Variants in SEC23B observed in about 807,000 individuals in gnomAD.
The protein encoded by SEC23B is protein transport protein Sec23B.
SEC23B carries 77 observed loss-of-function variants against 104.3 expected under a neutral mutation model. That is an observed-to-expected ratio of 0.74 (90% CI 0.61 to 0.89). The LOEUF is 0.89. Ranked by LOEUF, SEC23B falls within the 40% of genes least tolerant of loss-of-function variation. The probability of loss-of-function intolerance (pLI) is 0.00; values close to 1 mark genes in which losing one functional copy is unlikely to be tolerated. For synonymous variants in SEC23B, 338 were observed against 332.5 expected, an observed-to-expected ratio of 1.02 and a Z score of -0.18; for missense variants, 885 against 949.4, an observed-to-expected ratio of 0.93 and a Z score of 0.89.
chr20:18,554,104 A>C, intron 17 of SEC23B, 131 bp from the exon 18 acceptor site: 1 of 1,084,722 alleles, frequency 9.2e-7, no homozygotes, highest in Non-Finnish European at 1.4e-6. Flanking sequence ...TCTCCCTCTG[A>C]AGCTTGTCAT....
intron 1 of SEC23B, 86 bp from the exon 2 acceptor site, chr20:18,510,736 C>A: frequency 1.9e-6 from 2 of 1,033,164 alleles, no homozygotes; most frequent in Non-Finnish European, 3.0e-6. Context: ...AAAAGAGAAA[C>A]ACTGTGTTAC....
At chr20:18,537,600 G>T (rs1432844995) in intron 12 of SEC23B, among the ~76,000 whole-genome samples, 267 of 152,120 alleles carry the variant, frequency 1.8e-3, no homozygotes, top group Admixed American at 3.4e-3. Context: ...GTGGGGGAAG[G>T]GGGGAGGAAT....
chr20:18,521,015 C>T lies in SEC23B; in HGVS notation c.367-3418C>T, dbSNP rs532169819. Among the ~76,000 whole-genome samples the T allele has an allele frequency of 3.9e-5, 6 of 152,206 alleles. No individual in the cohort carries two copies. In the East Asian group the frequency reaches 1.2e-3, roughly 29 times the overall value. On this transcript the variant is annotated intron_variant, in intron 4 of 19. Coordinates refer to ENST00000650089, the MANE Select transcript of SEC23B (RefSeq NM_006363.6). ...ACGGCTTAGGAAGAATCCCGGGCTG[C>T]GGGCATTCCTTGGTCCAGTGGCCAG...
chr20:18,548,977 A>T (rs971810265), intron 16 of SEC23B, among the ~76,000 whole-genome samples: 2 of 152,218 alleles, frequency 1.3e-5, no homozygotes, highest in Non-Finnish European at 2.9e-5. Context: ...GAATAAATGT[A>T]AAAAACTCTA....
At chr20:18,548,515 C>T (rs1356473925) in intron 15 of SEC23B, 94 bp from the exon 16 acceptor site, 1 of 1,260,830 alleles carries the variant, frequency 7.9e-7, no homozygotes, top group Non-Finnish European at 1.1e-6. Flanking sequence ...TTTCTGGGTT[C>T]TCCTATTTCA....
intron 4 of SEC23B, 65 bp from the exon 5 acceptor site, chr20:18,524,368 C>A: frequency 1.7e-6 from 2 of 1,166,624 alleles, no homozygotes; most frequent in Non-Finnish European, 1.3e-6. Context: ...ACCTAATTTG[C>A]CTTAAAAAGT....
At chr20:18,549,703 T>C (rs1457323681) in intron 16 of SEC23B, among the ~76,000 whole-genome samples, 1 of 152,198 alleles carries the variant, frequency 6.6e-6, no homozygotes, top group Non-Finnish European at 1.5e-5. Flanking sequence ...AAAAATTTTC[T>C]TTATCGAGTA....
chr20:18,525,064 G>A, intron 6 of SEC23B, 44 bp downstream of exon 6: 1 of 1,512,746 alleles, frequency 6.6e-7, no homozygotes, highest in Non-Finnish European at 9.2e-7. Flanking sequence ...TGATGGACAT[G>A]CAGATGATCC....
At chr20:18,536,932 C>T (rs866473956) in intron 12 of SEC23B, among the ~76,000 whole-genome samples, 1 of 152,256 alleles carries the variant, frequency 6.6e-6, no homozygotes, top group Middle Eastern at 3.4e-3. Context: ...ATCACAAAGT[C>T]TTCATACTCT....
chr20:18,548,028 C>T (rs1479751164), intron 15 of SEC23B, among the ~76,000 whole-genome samples: 1 of 152,034 alleles, frequency 6.6e-6, no homozygotes, highest in African/African-American at 2.4e-5. Context: ...CTCAGCTCAC[C>T]GCAACCTCCC....
At chr20:18,552,971 T>C (rs2060402686) in intron 17 of SEC23B, among the ~76,000 whole-genome samples, 1 of 152,240 alleles carries the variant, frequency 6.6e-6, no homozygotes, top group Admixed American at 6.5e-5. Flanking sequence ...CTTGAGTATC[T>C]ATGGAATTTG....
At chr20:18,520,058 C>T (rs2060068831) in intron 4 of SEC23B, among the ~76,000 whole-genome samples, 1 of 151,922 alleles carries the variant, frequency 6.6e-6, no homozygotes, top group Non-Finnish European at 1.5e-5. Context: ...ATGAAGGGTG[C>T]AAAGGAATAG....
chr20:18,508,461 T>G (rs911848542), intron 1 of SEC23B, among the ~76,000 whole-genome samples: 4 of 152,180 alleles, frequency 2.6e-5, no homozygotes, highest in Admixed American at 6.5e-5. Flanking sequence ...ATTCATACTT[T>G]CAGTTATTTA....
At chr20:18,558,912 C>T (rs962248624) in intron 19 of SEC23B, among the ~76,000 whole-genome samples, 2 of 152,274 alleles carry the variant, frequency 1.3e-5, no homozygotes, top group African/African-American at 4.8e-5. Flanking sequence ...TAACACCTGT[C>T]ACTTGTCTTT....
At chr20:18,530,560 G>T in intron 9 of SEC23B, 120 bp from the exon 10 acceptor site, 1 of 1,144,052 alleles carries the variant, frequency 8.7e-7, no homozygotes, top group South Asian at 1.4e-5. Flanking sequence ...AAATTAATCA[G>T]TGGCTCTTTT....
intron 18 of SEC23B, 98 bp from the exon 19 acceptor site, chr20:18,555,010 A>T: frequency 9.7e-7 from 1 of 1,030,220 alleles, no homozygotes; most frequent in Non-Finnish European, 1.5e-6. Context: ...TTCTAATTTA[A>T]CCAAACAAAT....
chr20:18,526,227 C>T, intron 7 of SEC23B, 146 bp from the exon 8 acceptor site: 3 of 959,124 alleles, frequency 3.1e-6, no homozygotes, highest in South Asian at 2.8e-5. Flanking sequence ...TGCTTTTCTG[C>T]ATTATCATCT....
chr20:18,512,699 A>C (rs2059992117), intron 3 of SEC23B, among the ~76,000 whole-genome samples: 1 of 152,174 alleles, frequency 6.6e-6, no homozygotes, highest in Admixed American at 6.5e-5. Flanking sequence ...TTGATTTAAA[A>C]ATTTTAAAAG....
At chr20:18,551,839 A>G (rs1488178467) in intron 17 of SEC23B, among the ~76,000 whole-genome samples, 1 of 152,226 alleles carries the variant, frequency 6.6e-6, no homozygotes, top group African/African-American at 2.4e-5. Context: ...TAAATATTTT[A>G]TACATACTGC....
Sources: gnomAD v4.1 joint callset for allele counts (sites outside exome capture counted in the v4.1 genomes callset) on GRCh38, gnomAD v4.1.1 for gene constraint, MANE v1.5 for transcripts, NCBI Gene and HGNC (gene_info 2026-07-23, HGNC 2026-07-21) for gene names.